The following ABLIM1 variants were observed in gnomAD, a reference collection of about 807,000 sequenced individuals.
ABLIM1 encodes actin binding LIM protein 1.
ABLIM1 carries 40 observed loss-of-function variants against 107.0 expected under a neutral mutation model. That is an observed-to-expected ratio of 0.37 (90% CI 0.29 to 0.49). The LOEUF (loss-of-function observed/expected upper bound fraction) is 0.49. Ranked by LOEUF, ABLIM1 falls within the 20% of genes least tolerant of loss-of-function variation. ABLIM1 has a pLI of 0.97. For synonymous variants in ABLIM1, 357 were observed against 357.3 expected, an observed-to-expected ratio of 1.00 and a Z score of 0.01; for missense variants, 857 against 1,008.5, an observed-to-expected ratio of 0.85 and a Z score of 2.04.
chr10:114,543,802 G>A (rs1249410911), intron 6 of ABLIM1, among the ~76,000 whole-genome samples: 3 of 152,128 alleles, frequency 2.0e-5, no homozygotes, highest in African/African-American at 7.2e-5. Context: ...TATGTATCCT[G>A]TGCTTTTCCT....
Position 114,601,040 on chromosome 10 carries a change from A to G in ABLIM1, c.379+787T>C, listed in dbSNP as rs545193129. ...TCCCAAGTGTTGTTGCTTAATTCTC[A>G]CATCTCAATACACACACACACACAC... On this transcript the variant is annotated intron_variant, in intron 2 of 22. Coordinates refer to ENST00000533213, the MANE Select transcript of ABLIM1 (RefSeq NM_002313.7). Among the ~76,000 whole-genome samples, 129 of 144,966 alleles carry G rather than the reference A, an allele frequency of 8.9e-4. 1 individual carries two copies. The highest frequency in any genetic ancestry group is 3.2e-3 in the African/African-American group (122 of 38,434).
At chr10:114,717,787 C>A (rs971575325) in intron 1 of ABLIM1, among the ~76,000 whole-genome samples, 3 of 151,674 alleles carry the variant, frequency 2.0e-5, no homozygotes, top group Non-Finnish European at 4.4e-5. Context: ...GTGGTGCACA[C>A]CTATAGTCCC....
chr10:114,592,080 G>A (rs1163234433), intron 2 of ABLIM1, among the ~76,000 whole-genome samples: 1 of 152,092 alleles, frequency 6.6e-6, no homozygotes, highest in Non-Finnish European at 1.5e-5. Context: ...TGCCCCACTG[G>A]TGCCTACATT....
intron 12 of ABLIM1, among the ~76,000 whole-genome samples, chr10:114,462,062 T>G (rs570411504): frequency 3.9e-5 from 6 of 152,296 alleles, no homozygotes; most frequent in African/African-American, 1.4e-4. Flanking sequence ...CATGTACCTT[T>G]TAGGATTCAG....
At chr10:114,563,845 CAA>C (rs11285267) in intron 4 of ABLIM1, among the ~76,000 whole-genome samples, 4,818 of 79,822 alleles carry the variant, frequency 0.06, 348 homozygotes, top group African/African-American at 0.2. Context: ...GGCTCCGTCT[CAA>C]AAAAAAAAAA....
chr10:114,552,712 ATTTG>A (rs1257310642), intron 4 of ABLIM1, among the ~76,000 whole-genome samples: 1 of 152,142 alleles, frequency 6.6e-6, no homozygotes, highest in East Asian at 1.9e-4. Flanking sequence ...AATATATTTT[ATTTG>A]TTTATTTATA....
At chr10:114,594,018 T>C (rs535526173) in intron 2 of ABLIM1, among the ~76,000 whole-genome samples, 9 of 152,350 alleles carry the variant, frequency 5.9e-5, no homozygotes, top group South Asian at 4.1e-4. Context: ...ATCACACTTA[T>C]GTTTCTCTCA....
chr10:114,447,865 G>GT lies in ABLIM1; in HGVS notation c.1735+14dup. The GT allele has an allele frequency of 2.5e-6, 4 of 1,613,790 alleles. No individual in the cohort carries two copies. The highest frequency in any genetic ancestry group is 3.4e-6 in the Non-Finnish European group (4 of 1,179,864). The stretch of plus-strand genomic sequence containing the variant: ...AGCAGTTTGTCCCTTTGACTTAGCC[G>GT]TGACAGTTGCATACCTACGACAGCA... On this transcript the variant is annotated intron_variant, in intron 15 of 22. Transcript: ENST00000533213.
At chr10:114,697,450 G>A (rs890413753) in intron 1 of ABLIM1, among the ~76,000 whole-genome samples, 2 of 152,244 alleles carry the variant, frequency 1.3e-5, no homozygotes, top group African/African-American at 4.8e-5. Flanking sequence ...TAGGGGCTGG[G>A]GACCAGAGCC....
At chr10:114,737,634 A>AT (rs781066328) in intron 1 of ABLIM1, among the ~76,000 whole-genome samples, 6 of 152,186 alleles carry the variant, frequency 3.9e-5, no homozygotes, top group Non-Finnish European at 8.8e-5. Context: ...TTTTTCAAGA[A>AT]TTTTTATCTC....
At chr10:114,743,663 AG>A (rs557086703) in intron 1 of ABLIM1, among the ~76,000 whole-genome samples, 23 of 152,226 alleles carry the variant, frequency 1.5e-4, no homozygotes, top group Non-Finnish European at 2.6e-4. Flanking sequence ...GTTAGTCAAT[AG>A]TATATTTCAA....
At position 114,649,508 on chromosome 10, in the gene ABLIM1, G is replaced by A. The variant is rs545508636; in HGVS notation, c.244+8449C>T. 1.1e-4 allele frequency among the ~76,000 whole-genome samples: 16 copies of A among 151,670 alleles called. No individual in the cohort carries two copies. In the South Asian group the frequency reaches 1.5e-3, roughly 14 times the overall value. On this transcript the variant is annotated intron_variant, in intron 1 of 22. Transcript: ENST00000533213. ...CCTTTGAGAAATATCTAGAATCCTCGTGCATATCATATCATAGTCTATCTA... is the reference window on the plus strand; with the variant it reads ...CCTTTGAGAAATATCTAGAATCCTCATGCATATCATATCATAGTCTATCTA...
the ABLIM1 span, among the ~76,000 whole-genome samples, chr10:114,780,756 G>T: frequency 6.6e-6 from 1 of 152,146 alleles, no homozygotes; most frequent in Non-Finnish European, 1.5e-5. Context: ...ACTTCTCTTA[G>T]GTTGTTCTTT....
intron 1 of ABLIM1, among the ~76,000 whole-genome samples, chr10:114,622,290 G>A (rs574774425): frequency 1.4e-5 from 2 of 140,894 alleles, no homozygotes; most frequent in African/African-American, 2.6e-5. Context: ...TCTATTGCCC[G>A]GGCTGGAGTG....
At chr10:114,781,150 T>TTG in the ABLIM1 span, among the ~76,000 whole-genome samples, 1 of 152,160 alleles carries the variant, frequency 6.6e-6, no homozygotes, top group Non-Finnish European at 1.5e-5. Flanking sequence ...TGTGTATTGT[T>TTG]TGTGTGTACT....
chr10:114,593,918 C>CA (rs556840943), intron 2 of ABLIM1, among the ~76,000 whole-genome samples: 16 of 152,186 alleles, frequency 1.1e-4, no homozygotes, highest in African/African-American at 3.9e-4. Flanking sequence ...GCAACAAATT[C>CA]AAAAAATAAA....
intron 1 of ABLIM1, among the ~76,000 whole-genome samples, chr10:114,753,081 A>G (rs2082552983): frequency 6.6e-6 from 1 of 152,196 alleles, no homozygotes; most frequent in African/African-American, 2.4e-5. Flanking sequence ...ACAGGCAATG[A>G]GGTTGGCTTT....
At chr10:114,763,929 T>C (rs534931154) in intron 1 of ABLIM1, among the ~76,000 whole-genome samples, 8 of 152,324 alleles carry the variant, frequency 5.3e-5, no homozygotes, top group African/African-American at 1.2e-4. Flanking sequence ...TTGACTCTTA[T>C]GATCCTGCCA....
At chr10:114,456,499 C>A (rs536448519) in intron 12 of ABLIM1, among the ~76,000 whole-genome samples, 29 of 152,344 alleles carry the variant, frequency 1.9e-4, no homozygotes, top group Admixed American at 3.3e-4. Flanking sequence ...CTGAACCCCC[C>A]TGCCCCATGC....
Sources: allele counts gnomAD v4.1 joint callset (sites outside exome capture counted in the v4.1 genomes callset), GRCh38; gene constraint gnomAD v4.1.1; transcripts MANE v1.5; gene names NCBI Gene and HGNC (gene_info 2026-07-23, HGNC 2026-07-21).